DRD2: variants seen among roughly 807,000 people sequenced by gnomAD.
The protein encoded by DRD2 is dopamine receptor D2.
In DRD2, 8 loss-of-function variants were observed where a neutral mutation model predicts 38.0. The observed-to-expected ratio is 0.21, with a 90% CI of 0.12 to 0.38. DRD2 has a LOEUF of 0.38. DRD2 is among the 10% of genes least tolerant of loss of function. The pLI is 1.00. For missense variants in DRD2, 403 were observed against 607.7 expected (o/e 0.66, Z 3.54); for synonymous variants, 230 against 238.6 (o/e 0.96, Z 0.33).
chr11:113,431,940 C>T (rs1346981038), intron 1 of DRD2, among the ~76,000 whole-genome samples: 3 of 152,360 alleles, frequency 2.0e-5, no homozygotes, highest in Non-Finnish European at 2.9e-5. Context: ...AGGCCACCCA[C>T]TGCACTGCCC....
chr11:113,463,043 G>A (rs1951337795), intron 1 of DRD2, among the ~76,000 whole-genome samples: 1 of 152,204 alleles, frequency 6.6e-6, no homozygotes, highest in South Asian at 2.1e-4. Context: ...GATACGCTGA[G>A]CACTGACTTG....
chr11:113,459,248 T>C (rs1270160828), intron 1 of DRD2, among the ~76,000 whole-genome samples: 14 of 152,196 alleles, frequency 9.2e-5, no homozygotes, highest in Non-Finnish European at 1.8e-4. Context: ...CTTGGATAAA[T>C]TGAATGTACT....
chr11:113,449,668 G>A (rs1951190990), intron 1 of DRD2, among the ~76,000 whole-genome samples: 1 of 152,184 alleles, frequency 6.6e-6, no homozygotes, highest in Non-Finnish European at 1.5e-5. Context: ...GACGGTGTCA[G>A]CCATGGGAGG....
chr11:113,444,019 A>C (rs540409178), intron 1 of DRD2, among the ~76,000 whole-genome samples: 1 of 152,060 alleles, frequency 6.6e-6, no homozygotes, highest in Non-Finnish European at 1.5e-5. Flanking sequence ...CCAGTTGATG[A>C]ATTTGTTTTT....
intron 1 of DRD2, among the ~76,000 whole-genome samples, chr11:113,446,359 A>G (rs1951148807): frequency 6.6e-6 from 1 of 152,212 alleles, no homozygotes; most frequent in South Asian, 2.1e-4. Flanking sequence ...AAAACACAGC[A>G]GTCATAGTAA....
intron 1 of DRD2, among the ~76,000 whole-genome samples, chr11:113,450,290 A>G (rs377212663): frequency 3.9e-5 from 6 of 152,212 alleles, no homozygotes; most frequent in African/African-American, 1.4e-4. Flanking sequence ...ATGCCAAACA[A>G]GCAACCAGAG....
Position 113,475,218 on chromosome 11 carries a change from G to T in DRD2, c.-174C>A, listed in dbSNP as rs1312666314. ...CGGCCGGTCCCTGGCTCCCGGCCCC[G>T]CCGCGCCGTTCAGAGCCCCGGCGGG... On this transcript the variant is annotated 5_prime_UTR_variant, in exon 1 of 8. Coordinates refer to ENST00000362072, the MANE Select transcript of DRD2 (RefSeq NM_000795.4). 1 of 150,548 alleles carries T rather than the reference G, an allele frequency of 6.6e-6. No homozygotes were observed. Among genetic ancestry groups the T allele is most frequent in the Non-Finnish European group, 1.5e-5 (1 of 67,556 alleles). 9.3% of individuals were successfully genotyped at this position (150,548 alleles called of 1,614,324 possible). A position where few individuals can be genotyped will look rare whatever the true frequency, so the allele number is the denominator to read the frequency against.
intron 1 of DRD2, among the ~76,000 whole-genome samples, chr11:113,469,419 C>T (rs75263452): frequency 1.6e-4 from 24 of 152,282 alleles, no homozygotes; most frequent in African/African-American, 5.1e-4. Flanking sequence ...CTTCTTATCC[C>T]TATTCTCCTC....
intron 1 of DRD2, among the ~76,000 whole-genome samples, chr11:113,425,835 G>A (rs1339911444): frequency 2.0e-5 from 3 of 152,116 alleles, no homozygotes; most frequent in African/African-American, 7.2e-5. Flanking sequence ...AATATGACAT[G>A]GTATCAAATC....
chr11:113,455,148 A>C (rs1951257214), intron 1 of DRD2, among the ~76,000 whole-genome samples: 2 of 152,104 alleles, frequency 1.3e-5, no homozygotes, highest in African/African-American at 4.8e-5. Flanking sequence ...GGAGTTCGAG[A>C]CCATCTTGGC....
intron 1 of DRD2, among the ~76,000 whole-genome samples, chr11:113,435,105 A>G (rs540215802): frequency 9.3e-4 from 141 of 152,242 alleles, no homozygotes; most frequent in Non-Finnish European, 1.8e-3. Context: ...CATCTCTGAG[A>G]GGCCTGAGCA....
intron 6 of DRD2, chr11:113,414,106 T>A: frequency 1.9e-6 from 1 of 513,992 alleles, no homozygotes; most frequent in Admixed American, 3.1e-5. Context: ...GGTAGATGTT[T>A]GAGAAATGTG....
intron 1 of DRD2, among the ~76,000 whole-genome samples, chr11:113,426,935 C>A (rs905494118): frequency 2.6e-5 from 4 of 152,208 alleles, no homozygotes; most frequent in Admixed American, 6.5e-5. Flanking sequence ...TTTACTCAAT[C>A]GGCATTTATT....
At position 113,449,700 on chromosome 11, in the gene DRD2, G is replaced by A. The variant is rs145993992; in HGVS notation, c.-31-25018C>T. Reference sequence around the variant, plus strand: ...GAGGACTGTTAGCCAGTTAAGCTGTGATTTTAAGCTGGAGTAACAGTTGAA... The same window carrying A: ...GAGGACTGTTAGCCAGTTAAGCTGTAATTTTAAGCTGGAGTAACAGTTGAA... On this transcript the variant is annotated intron_variant, in intron 1 of 7. Transcript: ENST00000362072. 3.4e-3 allele frequency among the ~76,000 whole-genome samples: 516 copies of A among 152,202 alleles called. 5 individuals carry two copies. The highest frequency in any genetic ancestry group is 0.012 in the African/African-American group (504 of 41,520).
intron 1 of DRD2, among the ~76,000 whole-genome samples, chr11:113,454,745 G>A (rs1565676300): frequency 6.6e-6 from 1 of 152,178 alleles, no homozygotes; most frequent in East Asian, 1.9e-4. Context: ...AGAAAACGTG[G>A]TATCCACATA....
At chr11:113,419,116 C>A (rs1236688343) in intron 2 of DRD2, among the ~76,000 whole-genome samples, 1 of 152,240 alleles carries the variant, frequency 6.6e-6, no homozygotes, top group Non-Finnish European at 1.5e-5. Context: ...CCTGTGGGCT[C>A]AGTTCCTAGT....
Position 113,410,623 on chromosome 11 carries a change from A to G in DRD2, c.*104T>C. 1 of 1,427,578 alleles carries G rather than the reference A, an allele frequency of 7.0e-7. No individual in the cohort carries two copies. Among genetic ancestry groups the G allele is most frequent in the Non-Finnish European group, 9.9e-7 (1 of 1,014,038 alleles). 88.4% of individuals were successfully genotyped at this position (1,427,578 alleles called of 1,614,324 possible). ...TGCAGGGCCTGCCGGGGTGAAGAGG[A>G]GGCCGATCCACCCAGGCCTTCCTGC... On this transcript the variant is annotated 3_prime_UTR_variant, in exon 8 of 8. Transcript: ENST00000362072.
At chr11:113,463,434 C>A (rs1230179518) in intron 1 of DRD2, among the ~76,000 whole-genome samples, 4 of 152,156 alleles carry the variant, frequency 2.6e-5, no homozygotes, top group Admixed American at 2.6e-4. Context: ...AGCCATGAGA[C>A]CCTGAACACG....
intron 2 of DRD2, among the ~76,000 whole-genome samples, chr11:113,422,406 G>A (rs1221327484): frequency 6.6e-6 from 1 of 152,202 alleles, no homozygotes; most frequent in Non-Finnish European, 1.5e-5. Flanking sequence ...TTTTCCAGAT[G>A]AGGAAACTGA....
Sources: allele counts gnomAD v4.1 joint callset (sites outside exome capture counted in the v4.1 genomes callset), GRCh38; gene constraint gnomAD v4.1.1; transcripts MANE v1.5; gene names NCBI Gene and HGNC (gene_info 2026-07-23, HGNC 2026-07-21).